The following RAPGEF3 variants were observed in gnomAD, a reference collection of about 807,000 sequenced individuals.
RAPGEF3 encodes the protein Rap guanine nucleotide exchange factor 3.
RAPGEF3 carries 103 observed loss-of-function variants against 129.8 expected under a neutral mutation model. The ratio of observed to expected loss-of-function variants is 0.79; its 90% CI spans 0.68 to 0.93. RAPGEF3 has a LOEUF of 0.93. RAPGEF3 is among the 40% of genes least tolerant of loss of function. The pLI is 0.00. For missense variants in RAPGEF3, 1,117 were observed against 1,207.4 expected (o/e 0.93, Z 1.11); for synonymous variants, 436 against 482.6 (o/e 0.90, Z 1.26).
chr12:47,751,022 C>T (rs781326565), intron 6 of RAPGEF3, 26 bp downstream of exon 6: 24 of 1,588,960 alleles, frequency 1.5e-5, no homozygotes, highest in Non-Finnish European at 8.6e-7. Context: ...GGCCTGGGGT[C>T]ACGGGGTGCA....
At chr12:47,738,879 C>G (rs1940962015) in intron 24 of RAPGEF3, 125 bp from the exon 25 acceptor site, 2 of 885,188 alleles carry the variant, frequency 2.3e-6, no homozygotes, top group Admixed American at 1.9e-5. Context: ...CCTCTGCCCC[C>G]TCCAAGCCCC....
chr12:47,747,822 T>C lies in RAPGEF3; in HGVS notation c.1363A>G (p.Ser455Gly). ...EPAGGSEQER[S>G]TYVCNKRQQI... ...TGCCTCTTGTTGCAGACGTAGGTGCTGCGCTCCTGCTCGCTGCCACCCGCA... is the reference window on the plus strand; with the variant it reads ...TGCCTCTTGTTGCAGACGTAGGTGCCGCGCTCCTGCTCGCTGCCACCCGCA... The change falls in exon 14 of 28, where the codon AGC becomes GGC. Residue 455 changes from serine to glycine, a missense_variant. Physicochemically the swap from Ser to Gly is moderately conservative, Grantham distance 56 (BLOSUM62 0). Transcript: ENST00000449771. The C allele has an allele frequency of 6.2e-7, 1 of 1,605,730 alleles. No individual in the cohort carries two copies.
intron 24 of RAPGEF3, 50 bp downstream of exon 24, chr12:47,739,093 T>G (rs1940977299): frequency 7.2e-7 from 1 of 1,381,406 alleles, no homozygotes; most frequent in Non-Finnish European, 1.0e-6. Flanking sequence ...AAATGGGGGA[T>G]GGAGGCAGGA....
intron 7 of RAPGEF3, 102 bp from the exon 8 acceptor site, chr12:47,750,092 G>C (rs749079492): frequency 1.2e-5 from 17 of 1,376,804 alleles, no homozygotes; most frequent in Non-Finnish European, 1.7e-5. Context: ...AAGTGCTGGG[G>C]GACAAAGATG....
intron 2 of RAPGEF3, among the ~76,000 whole-genome samples, chr12:47,755,188 C>A (rs1029436565): frequency 3.3e-5 from 5 of 152,240 alleles, no homozygotes; most frequent in Non-Finnish European, 7.4e-5. Context: ...GGACCAAAGC[C>A]CAGCTTTGCC....
Position 47,750,345 on chromosome 12 carries a change from T to A in RAPGEF3, c.752A>T (p.Asn251Ile), listed in dbSNP as rs1441261063. ...GCTGGGAGGGGCAGGACTGACCGAG[T>A]TGGAGAGGTGGGCCACAGCCTTGAT... is the stretch of plus-strand genomic sequence containing the variant. Reference protein sequence around the residue: ...LHIKAVAHLSNSVKRELAAVL... With the variant: ...LHIKAVAHLSISVKRELAAVL... Residue 251 changes from asparagine to isoleucine, a missense_variant, in exon 7 of 28, where the codon AAC becomes ATC. By Grantham distance (149) the Asn-to-Ile change is moderately radical. Transcript: ENST00000449771. 5 of 1,613,736 alleles carry A rather than the reference T, an allele frequency of 3.1e-6. No homozygotes were observed. Among genetic ancestry groups the A allele is most frequent in the Non-Finnish European group, 4.2e-6 (5 of 1,179,768 alleles).
At position 47,749,864 on chromosome 12, in the gene RAPGEF3, C is replaced by G. The variant is rs1465291809; in HGVS notation, c.818-47G>C. On this transcript the variant is annotated intron_variant, in intron 8 of 27. Coordinates refer to ENST00000449771, the MANE Select transcript of RAPGEF3 (RefSeq NM_001098531.4). This position sits in a 1 kb window ranked among gnomAD's most constrained non-coding sequence, Gnocchi z 4.5. ...CCGGGCCCTCCTGGCACCTACCATT[C>G]CTTCACACATCCTTCTGCCCATGTC... The G allele has an allele frequency of 6.2e-7, 1 of 1,613,950 alleles. No homozygotes were observed. Among genetic ancestry groups the G allele is most frequent in the South Asian group, 1.1e-5 (1 of 91,076 alleles).
chr12:47,750,199 G>A lies in RAPGEF3; in HGVS notation c.756+142C>T, dbSNP rs1478442316. 3.0e-5 allele frequency: 33 copies of A among 1,085,026 alleles called. No homozygotes were observed. The East Asian group carries it at 4.3e-4, about 14-fold the overall frequency. 67.2% of individuals were successfully genotyped at this position (1,085,026 alleles called of 1,614,324 possible). ...AAGGATTTTCAGACAGGGCAGCGCC[G>A]GGGGCAAGAAATCAGACTGAAAATT... is the stretch of plus-strand genomic sequence containing the variant. On this transcript the variant is annotated intron_variant, in intron 7 of 27. Coordinates refer to ENST00000449771, the MANE Select transcript of RAPGEF3 (RefSeq NM_001098531.4).
intron 27 of RAPGEF3, among the ~76,000 whole-genome samples, 168 bp downstream of exon 27, chr12:47,737,854 G>A (rs1426219768): frequency 6.6e-6 from 1 of 152,154 alleles, no homozygotes; most frequent in Non-Finnish European, 1.5e-5. Context: ...CGGGTGAGGG[G>A]ACCGAAGAGC....
At chr12:47,744,165 G>A in intron 16 of RAPGEF3, 97 bp from the exon 17 acceptor site, 4 of 1,008,006 alleles carry the variant, frequency 4.0e-6, no homozygotes, top group Admixed American at 4.5e-5. Context: ...AGGAGCACGG[G>A]CGCCACACAG....
rs142628536 is a variant in RAPGEF3 at position 47,750,585 on chromosome 12, G to A, written c.672-160C>T. Among the ~76,000 whole-genome samples, 659 of 152,304 alleles carry A rather than the reference G, an allele frequency of 4.3e-3. 4 individuals are homozygous for A. Among genetic ancestry groups the A allele is most frequent in the African/African-American group, 0.015 (609 of 41,560 alleles). On this transcript the variant is annotated intron_variant, in intron 6 of 27. Coordinates refer to ENST00000449771, the MANE Select transcript of RAPGEF3 (RefSeq NM_001098531.4). ...TTACTGAGTGCGCACATGTGGCAGCGCTTGTGATGAGCATTTTGCATGCAT... is the reference window on the plus strand; with the variant it reads ...TTACTGAGTGCGCACATGTGGCAGCACTTGTGATGAGCATTTTGCATGCAT...
intron 6 of RAPGEF3, among the ~76,000 whole-genome samples, chr12:47,750,790 G>A (rs1941694789): frequency 6.6e-6 from 1 of 152,196 alleles, no homozygotes; most frequent in Non-Finnish European, 1.5e-5. Flanking sequence ...TCTCTGAGTG[G>A]GAAGGGTCCT....
chr12:47,752,641 C>T (rs576308568), intron 2 of RAPGEF3: 5 of 153,720 alleles, frequency 3.3e-5, no homozygotes, highest in South Asian at 2.0e-4. Context: ...CTAATAATAC[C>T]GACTCATGAG....
Position 47,740,654 on chromosome 12 carries a change from T to C in RAPGEF3, c.2219A>G (p.Lys740Arg). ...GACAGGGACTCACTGGGCCGCCAGC[T>C]TAATGAACTTCCTGAGCAGCTGGGC... ...PRAQLLRKFI[K>R]LAAHLKEQKN... Residue 740 changes from lysine (K) to arginine (R), a missense_variant, in exon 21 of 28, where the codon AAG becomes AGG. Transcript: ENST00000449771. 2 of 1,613,614 alleles carry C rather than the reference T, an allele frequency of 1.2e-6. No individual in the cohort carries two copies. The highest frequency in any genetic ancestry group is 1.7e-6 in the Non-Finnish European group (2 of 1,179,924).
chr12:47,738,183 G>A lies in RAPGEF3; in HGVS notation c.2581+10C>T, dbSNP rs756400254. On this transcript the variant is annotated intron_variant, in intron 26 of 27. Transcript: ENST00000449771. ...GGGGGACCTCCCACCCCGGGGACCCGCCCTCTCACCAGGGTTGTGGCTTCG... is the reference window on the plus strand; with the variant it reads ...GGGGGACCTCCCACCCCGGGGACCCACCCTCTCACCAGGGTTGTGGCTTCG... 1.2e-5 allele frequency: 19 copies of A among 1,540,808 alleles called. No individual in the cohort carries two copies. Among genetic ancestry groups the A allele is most frequent in the African/African-American group, 5.5e-5 (4 of 73,244 alleles).
rs1217998120 is a variant in RAPGEF3 at position 47,736,014 on chromosome 12, C to G, written c.*1553G>C. 6.6e-6 allele frequency: 1 copy of G among 152,358 alleles called. No homozygotes were observed. Among genetic ancestry groups the G allele is most frequent in the Non-Finnish European group, 1.5e-5 (1 of 68,126 alleles). The allele number at this position is 152,358 out of a possible 1,614,324, so 9.4% of individuals were successfully genotyped here. A position where few individuals can be genotyped will look rare whatever the true frequency, so the allele number is the denominator to read the frequency against. On this transcript the variant is annotated 3_prime_UTR_variant, in exon 28 of 28. Transcript: ENST00000449771. ...CCCTCAACTGAGGCGAGGCTGCCCC[C>G]CTACCAGGCCTGGATAGCACAGGAC...
chr12:47,744,966 C>T (rs1459488098), intron 16 of RAPGEF3: 1 of 152,434 alleles, frequency 6.6e-6, no homozygotes, highest in African/African-American at 2.4e-5. Context: ...CATGAATGAT[C>T]CATTACCTCA....
At position 47,744,085 on chromosome 12, in the gene RAPGEF3, C is replaced by T. The variant is rs113677008; in HGVS notation, c.1597-17G>A. ...GTTCCGGGCCTGGGAGGAAGAGGAACGAGAAAATAAGGCTGGGAGGACATG... is the reference window on the plus strand; with the variant it reads ...GTTCCGGGCCTGGGAGGAAGAGGAATGAGAAAATAAGGCTGGGAGGACATG... On this transcript the variant is annotated splice_polypyrimidine_tract_variant and intron_variant, in intron 16 of 27. Coordinates refer to ENST00000449771, the MANE Select transcript of RAPGEF3 (RefSeq NM_001098531.4). 3.9e-5 allele frequency: 61 copies of T among 1,565,518 alleles called. 2 individuals are homozygous for T. Among genetic ancestry groups the T allele is most frequent in the African/African-American group, 3.4e-4 (25 of 73,774 alleles).
chr12:47,750,483 G>A (rs1038023900), intron 6 of RAPGEF3, 58 bp from the exon 7 acceptor site: 9 of 1,490,778 alleles, frequency 6.0e-6, no homozygotes, highest in Non-Finnish European at 8.2e-6. Flanking sequence ...CAGGTGCAGG[G>A]AGCCACTCCA....
Sources: gnomAD v4.1 joint callset for allele counts (sites outside exome capture counted in the v4.1 genomes callset) on GRCh38, gnomAD v4.1.1 for gene constraint, Gnocchi (gnomAD v3.1) non-coding constraint, MANE v1.5 for transcripts, NCBI Gene and HGNC (gene_info 2026-07-23, HGNC 2026-07-21) for gene names.